The following GSK3B variants were observed in gnomAD, a reference collection of about 807,000 sequenced individuals.
GSK3B encodes the protein glycogen synthase kinase 3 beta.
A neutral mutation model predicts 56.4 loss-of-function variants in GSK3B; 15 were observed. The ratio of observed to expected loss-of-function variants is 0.27; its 90% CI spans 0.18 to 0.41. The LOEUF (loss-of-function observed/expected upper bound fraction) is 0.41, where lower values mean the gene tolerates loss of function less well. GSK3B is among the 10% of genes least tolerant of loss of function. The pLI is 1.00. For synonymous variants in GSK3B, 181 were observed against 188.9 expected, an observed-to-expected ratio of 0.96 and a Z score of 0.34; for missense variants, 300 against 513.4, an observed-to-expected ratio of 0.58 and a Z score of 4.02.
Position 120,000,696 on chromosome 3 carries a change from A to T in GSK3B, c.282+1350T>A, listed in dbSNP as rs893137279. The stretch of plus-strand genomic sequence containing the variant: ...TCTGCTATACCACAACATAGAGATG[A>T]CATCTGAGCTTCCATGCATAGGCTC... On this transcript the variant is annotated intron_variant, in intron 2 of 10. Coordinates refer to ENST00000264235, the MANE Select transcript of GSK3B (RefSeq NM_001146156.2). 2.0e-5 allele frequency among the ~76,000 whole-genome samples: 3 copies of T among 151,976 alleles called. No individual in the cohort carries two copies. In the East Asian group the frequency reaches 5.8e-4, roughly 29 times the overall value.
intron 1 of GSK3B, 90 bp downstream of exon 1, chr3:120,093,254 CAGG>C (rs2058529483): frequency 5.9e-6 from 5 of 844,148 alleles, no homozygotes; most frequent in East Asian, 2.4e-5. Context: ...GCCTGTTTAT[CAGG>C]AGGTCTAATA....
chr3:119,966,613 G>A lies in GSK3B; in HGVS notation c.283-19262C>T, dbSNP rs1011418298. On this transcript the variant is annotated intron_variant, in intron 2 of 10. Coordinates refer to ENST00000264235, the MANE Select transcript of GSK3B (RefSeq NM_001146156.2). Reference sequence around the variant, plus strand: ...ACCACATTAAGGAATCAGAGAGACTGGCTGGGGGTTAACAACAAAGTCCTT... The same window carrying A: ...ACCACATTAAGGAATCAGAGAGACTAGCTGGGGGTTAACAACAAAGTCCTT... Among the ~76,000 whole-genome samples the A allele has an allele frequency of 2.0e-5, 3 of 152,114 alleles. 1 individual carries two copies. The highest frequency in any genetic ancestry group is 4.1e-4 in the South Asian group (2 of 4,830).
chr3:120,029,380 G>T, intron 1 of GSK3B: 1 of 767,458 alleles, frequency 1.3e-6, no homozygotes, highest in South Asian at 1.4e-5. Flanking sequence ...TCAACATTCA[G>T]TCATTTCTCC....
rs1473095268 is a variant in GSK3B, at chr3:119,821,948, G to C, written c.*4840C>G. 5.5e-6 allele frequency: 1 copy of C among 183,014 alleles called. No individual in the cohort carries two copies. The highest frequency in any genetic ancestry group is 2.3e-5 in the African/African-American group (1 of 42,600). The allele number at this position is 183,014 out of a possible 1,614,324, so 11.3% of individuals were successfully genotyped here. A position where few individuals can be genotyped will look rare whatever the true frequency, so the allele number is the denominator to read the frequency against. ...GTACTGAAATAAAGACCACACACTT[G>C]TGAATTTTAATTTCATTTCCAGGCT... On this transcript the variant is annotated 3_prime_UTR_variant, in exon 11 of 11. Coordinates refer to ENST00000264235, the MANE Select transcript of GSK3B (RefSeq NM_001146156.2).
At chr3:120,054,466 G>A (rs556143803) in intron 1 of GSK3B, among the ~76,000 whole-genome samples, 1 of 152,216 alleles carries the variant, frequency 6.6e-6, no homozygotes, top group East Asian at 1.9e-4. Context: ...ACACTTTTCA[G>A]ATTTTATTTG....
At chr3:120,064,612 C>CCCTAG (rs757440426) in intron 1 of GSK3B, among the ~76,000 whole-genome samples, 1 of 152,114 alleles carries the variant, frequency 6.6e-6, no homozygotes, top group Non-Finnish European at 1.5e-5. Flanking sequence ...TCAACTCAAT[C>CCCTAG]CCTACCAAAA....
chr3:119,875,138 G>T (rs2056295632), intron 8 of GSK3B, among the ~76,000 whole-genome samples: 1 of 152,072 alleles, frequency 6.6e-6, no homozygotes, highest in South Asian at 2.1e-4. Context: ...TGTAGTAAAA[G>T]TTACAACCTA....
At chr3:119,993,635 T>C (rs1362542320) in intron 2 of GSK3B, among the ~76,000 whole-genome samples, 1 of 152,154 alleles carries the variant, frequency 6.6e-6, no homozygotes, top group East Asian at 1.9e-4. Context: ...AGTAAATATA[T>C]TGTGGATAAC....
chr3:120,060,238 GA>G (rs1409568350), intron 1 of GSK3B, among the ~76,000 whole-genome samples: 1 of 152,176 alleles, frequency 6.6e-6, no homozygotes, highest in African/African-American at 2.4e-5. Flanking sequence ...AAGGGAAATG[GA>G]AAGTGCAGGG....
intron 10 of GSK3B, among the ~76,000 whole-genome samples, chr3:119,835,167 C>T (rs939296957): frequency 1.3e-5 from 2 of 152,192 alleles, no homozygotes; most frequent in Non-Finnish European, 2.9e-5. Flanking sequence ...CACATGCACA[C>T]TGTACTTCCC....
In GSK3B at chr3:120,094,357, T is replaced by C; in HGVS notation, c.-923A>G. 3.5e-6 allele frequency: 1 copy of C among 284,932 alleles called. No individual in the cohort carries two copies. Among genetic ancestry groups the C allele is most frequent in the South Asian group, 5.2e-5 (1 of 19,282 alleles). The allele number at this position is 284,932 out of a possible 1,614,324, so 17.7% of individuals were successfully genotyped here. ...GGCTGCGGGGCCGGCTCCTCCTCGCTTCCTTCCTTCCTTTGTCACTTGGCC... is the reference window on the plus strand; with the variant it reads ...GGCTGCGGGGCCGGCTCCTCCTCGCCTCCTTCCTTCCTTTGTCACTTGGCC... On this transcript the variant is annotated 5_prime_UTR_variant, in exon 1 of 11. Coordinates refer to ENST00000264235, the MANE Select transcript of GSK3B (RefSeq NM_001146156.2).
Position 119,826,429 on chromosome 3 carries a change from CT to C in GSK3B, c.*358del. ...CATCAGCACAGAAAAAGGTTTTCTT[CT>C]TTTGTGGAAGGGGCATGAGGCAGGA... On this transcript the variant is annotated 3_prime_UTR_variant, in exon 11 of 11. Transcript: ENST00000264235. 1 of 438,588 alleles carries C rather than the reference CT, an allele frequency of 2.3e-6. No homozygotes were observed. The highest frequency in any genetic ancestry group is 4.2e-6 in the Non-Finnish European group (1 of 237,814). The allele number at this position is 438,588 out of a possible 1,614,324, so 27.2% of individuals were successfully genotyped here.
In GSK3B at chr3:119,924,722, G is replaced by A. The variant is rs1187328959; in HGVS notation, c.367-1239C>T. On this transcript the variant is annotated intron_variant, in intron 3 of 10. Transcript: ENST00000264235. ...GGTCCATCATTATCCTCTCTAACAC[G>A]AGAGTTAACAAACAACAGGAATAGT... Among the ~76,000 whole-genome samples the A allele has an allele frequency of 2.6e-5, 4 of 152,066 alleles. 1 individual carries two copies. The highest frequency in any genetic ancestry group is 4.2e-4 in the South Asian group (2 of 4,816).
chr3:120,015,672 A>C (rs1015319079), intron 1 of GSK3B, among the ~76,000 whole-genome samples: 7 of 150,558 alleles, frequency 4.6e-5, no homozygotes, highest in Admixed American at 2.6e-4. Context: ...AAAAAAAAAA[A>C]AAAAAAACTA....
chr3:119,936,352 ATAT>A (rs1373612021), intron 3 of GSK3B, among the ~76,000 whole-genome samples: 2 of 99,304 alleles, frequency 2.0e-5, no homozygotes, highest in African/African-American at 6.9e-5. Flanking sequence ...ATATATATAT[ATAT>A]TTTTTTTTTG....
At chr3:120,074,300 T>C (rs1576311310) in intron 1 of GSK3B, among the ~76,000 whole-genome samples, 1 of 128,648 alleles carries the variant, frequency 7.8e-6, no homozygotes, top group Admixed American at 8.1e-5. Flanking sequence ...GCCCTGTCTC[T>C]AAAAAAAAAA....
At chr3:120,093,306 G>A (rs1410194871) in intron 1 of GSK3B, 41 bp downstream of exon 1, 4 of 1,268,970 alleles carry the variant, frequency 3.2e-6, no homozygotes, top group Non-Finnish European at 4.6e-6. Context: ...TTATTTTAAG[G>A]GCGAGGTGGA....
chr3:120,075,063 T>C (rs2058357408), intron 1 of GSK3B, among the ~76,000 whole-genome samples: 1 of 152,258 alleles, frequency 6.6e-6, no homozygotes, highest in Admixed American at 6.5e-5. Flanking sequence ...GTGGGATTTA[T>C]ATGGGCATCC....
At chr3:119,885,831 T>C (rs1049662797) in intron 7 of GSK3B, among the ~76,000 whole-genome samples, 1 of 152,066 alleles carries the variant, frequency 6.6e-6, no homozygotes, top group Admixed American at 6.6e-5. Flanking sequence ...GGTGCTGGGA[T>C]AACTGGCTAA....
Sources: allele counts gnomAD v4.1 joint callset (sites outside exome capture counted in the v4.1 genomes callset), GRCh38; gene constraint gnomAD v4.1.1; transcripts MANE v1.5; gene names NCBI Gene and HGNC (gene_info 2026-07-23, HGNC 2026-07-21).